KLF12: variants seen among roughly 807,000 people sequenced by gnomAD.
KLF12 encodes KLF transcription factor 12.
In KLF12, 9 loss-of-function variants were observed where a neutral mutation model predicts 37.8. The observed-to-expected ratio is 0.24, with a 90% CI of 0.14 to 0.42. KLF12 has a LOEUF of 0.42. Ranked by LOEUF, KLF12 falls within the 10% of genes least tolerant of loss-of-function variation. KLF12 has a pLI of 1.00. For missense variants in KLF12, 411 were observed against 516.0 expected (o/e 0.80, Z 1.97); for synonymous variants, 208 against 202.1 (o/e 1.03, Z -0.25).
intron 1 of KLF12, among the ~76,000 whole-genome samples, chr13:74,090,976 G>A (rs985908515): frequency 1.3e-5 from 2 of 149,296 alleles, no homozygotes; most frequent in African/African-American, 2.5e-5. Context: ...CTTCCATTTC[G>A]AAACTTACTA....
intron 3 of KLF12, among the ~76,000 whole-genome samples, chr13:73,888,065 C>T (rs1356657624): frequency 1.3e-5 from 2 of 151,654 alleles, no homozygotes; most frequent in Admixed American, 6.6e-5. Flanking sequence ...TGCAGTGGTA[C>T]GATCTTGGCT....
chr13:74,075,280 A>G (rs1326421969), intron 1 of KLF12, among the ~76,000 whole-genome samples: 2 of 152,226 alleles, frequency 1.3e-5, no homozygotes, highest in Admixed American at 1.3e-4. Context: ...CTTTGGTTTA[A>G]TCAGTCCTTC....
chr13:73,975,440 C>A (rs959712368), intron 2 of KLF12, among the ~76,000 whole-genome samples: 2 of 152,164 alleles, frequency 1.3e-5, no homozygotes, highest in African/African-American at 2.4e-5. Flanking sequence ...GCCTCCTAAA[C>A]ATGCTCCAAA....
chr13:74,304,889 A>G, the KLF12 span, among the ~76,000 whole-genome samples: 1 of 152,096 alleles, frequency 6.6e-6, no homozygotes, highest in Non-Finnish European at 1.5e-5. Flanking sequence ...TCTTATTAGA[A>G]ACTCTACAAG....
In KLF12 at chr13:74,049,197, T is replaced by A. The variant is rs550252628; in HGVS notation, c.-31-54144A>T. On this transcript the variant is annotated intron_variant, in intron 1 of 7. Transcript: ENST00000377669. ...CCTCCACTGAGAGACTCCATAGACA[T>A]CTTGTACAAGAGAAAATCATACCAA... Among the ~76,000 whole-genome samples the A allele has an allele frequency of 2.0e-5, 3 of 152,300 alleles. No individual in the cohort carries two copies. In the South Asian group the frequency reaches 6.2e-4, roughly 32 times the overall value.
the KLF12 span, among the ~76,000 whole-genome samples, chr13:74,241,671 C>T: frequency 6.6e-6 from 1 of 152,142 alleles, no homozygotes; most frequent in African/African-American, 2.4e-5. Context: ...TTTTTAAGCC[C>T]GTCGGAAAAG....
chr13:73,833,823 G>A (rs1884289808), intron 4 of KLF12, among the ~76,000 whole-genome samples: 4 of 152,100 alleles, frequency 2.6e-5, no homozygotes, highest in African/African-American at 9.7e-5. Context: ...GTAGATGTGA[G>A]GACGTGCGGA....
intron 4 of KLF12, among the ~76,000 whole-genome samples, chr13:73,837,399 C>G (rs1235055009): frequency 1.3e-5 from 2 of 152,100 alleles, no homozygotes; most frequent in South Asian, 2.1e-4. Context: ...GCGTAAGAAG[C>G]CAATTTTTTG....
chr13:73,758,658 G>A (rs1433879068), intron 6 of KLF12, among the ~76,000 whole-genome samples: 2 of 152,132 alleles, frequency 1.3e-5, no homozygotes, highest in Non-Finnish European at 1.5e-5. Flanking sequence ...ATATGAAAAT[G>A]TCTCAGAAGT....
intron 2 of KLF12, among the ~76,000 whole-genome samples, chr13:73,980,033 T>C (rs1027242395): frequency 3.3e-5 from 5 of 152,166 alleles, no homozygotes; most frequent in African/African-American, 1.2e-4. Context: ...TGAGACCTTA[T>C]CTTGGACTTC....
At chr13:73,869,900 G>A (rs568305043) in intron 3 of KLF12, among the ~76,000 whole-genome samples, 1 of 152,126 alleles carries the variant, frequency 6.6e-6, no homozygotes, top group Non-Finnish European at 1.5e-5. Context: ...ACTTGTCCTT[G>A]TAGTTCAAAA....
chr13:73,720,034 T>A (rs1022858665), intron 6 of KLF12, among the ~76,000 whole-genome samples: 1 of 152,156 alleles, frequency 6.6e-6, no homozygotes, highest in Non-Finnish European at 1.5e-5. Flanking sequence ...AAGTATTGCT[T>A]ACAATTAAAT....
intron 4 of KLF12, among the ~76,000 whole-genome samples, chr13:73,818,207 G>T (rs954953600): frequency 3.3e-5 from 5 of 152,204 alleles, no homozygotes; most frequent in Non-Finnish European, 7.3e-5. Context: ...GCGCAATGGC[G>T]CGATCTCGGC....
At chr13:74,011,320 G>A (rs1335267619) in intron 1 of KLF12, among the ~76,000 whole-genome samples, 1 of 151,154 alleles carries the variant, frequency 6.6e-6, no homozygotes, top group Non-Finnish European at 1.5e-5. Context: ...GAGGCAAAAT[G>A]CTAGAACTGC....
chr13:73,778,569 T>A (rs1880769164), intron 5 of KLF12, among the ~76,000 whole-genome samples: 1 of 152,084 alleles, frequency 6.6e-6, no homozygotes, highest in Non-Finnish European at 1.5e-5. Flanking sequence ...CTCCCTGTGT[T>A]GCCTAGGCTA....
intron 3 of KLF12, among the ~76,000 whole-genome samples, chr13:73,850,489 C>G (rs1037380887): frequency 2.2e-4 from 33 of 151,970 alleles, no homozygotes; most frequent in African/African-American, 6.0e-4. Flanking sequence ...TGTCTGTGAA[C>G]AAAACAATTT....
intron 1 of KLF12, among the ~76,000 whole-genome samples, chr13:74,043,269 A>T (rs1893455558): frequency 1.3e-5 from 2 of 152,248 alleles, no homozygotes; most frequent in Middle Eastern, 3.2e-3. Flanking sequence ...AATGCATTCA[A>T]ATGCTTCAAA....
At chr13:73,796,968 A>T (rs1882008827) in intron 5 of KLF12, among the ~76,000 whole-genome samples, 1 of 152,174 alleles carries the variant, frequency 6.6e-6, no homozygotes, top group African/African-American at 2.4e-5. Flanking sequence ...ATCTAGAACT[A>T]ACTGGTGGTA....
At chr13:73,698,238 T>A (rs901351587) in intron 7 of KLF12, among the ~76,000 whole-genome samples, 5 of 151,886 alleles carry the variant, frequency 3.3e-5, no homozygotes, top group East Asian at 1.9e-4. Flanking sequence ...AAAGAAAAGA[T>A]AAGCTGCTGG....
Sources: allele counts gnomAD v4.1 joint callset (sites outside exome capture counted in the v4.1 genomes callset), GRCh38; gene constraint gnomAD v4.1.1; transcripts MANE v1.5; gene names NCBI Gene and HGNC (gene_info 2026-07-23, HGNC 2026-07-21).